The following NCF2 variants were observed in gnomAD, a reference collection of about 807,000 sequenced individuals.
NCF2 encodes neutrophil cytosolic factor 2.
In NCF2, 45 loss-of-function variants were observed where a neutral mutation model predicts 70.9. The observed-to-expected ratio is 0.63, with a 90% CI of 0.50 to 0.81. The LOEUF (loss-of-function observed/expected upper bound fraction) is 0.81. Ranked by LOEUF, NCF2 falls within the 40% of genes least tolerant of loss-of-function variation. The pLI is 0.00. For missense variants in NCF2, 522 were observed against 631.6 expected (o/e 0.83, Z 1.86); for synonymous variants, 203 against 233.6 (o/e 0.87, Z 1.19).
In NCF2 at chr1:183,567,150, C is replaced by T; in HGVS notation, c.855+54G>A. ...AGCAGATACTGCTCCACAGAGACTG[C>T]ATTTGCTGCCAGGATCCCATGCCCA... On this transcript the variant is annotated intron_variant, in intron 8 of 14. Transcript: ENST00000367535. 4 of 1,613,086 alleles carry T rather than the reference C, an allele frequency of 2.5e-6. No individual in the cohort carries two copies. In the South Asian group the frequency reaches 3.3e-5, roughly 13 times the overall value.
chr1:183,564,360 G>A (rs1289556713), intron 10 of NCF2, among the ~76,000 whole-genome samples: 2 of 152,180 alleles, frequency 1.3e-5, no homozygotes, highest in Non-Finnish European at 2.9e-5. Context: ...AATGAAAATC[G>A]GAGTGCAAGG....
At position 183,567,280 on chromosome 1, in the gene NCF2, T is replaced by G; in HGVS notation, c.779A>C (p.Gln260Pro). 1 of 1,614,200 alleles carries G rather than the reference T, an allele frequency of 6.2e-7. No individual in the cohort carries two copies. Among genetic ancestry groups the G allele is most frequent in the Non-Finnish European group, 8.5e-7 (1 of 1,180,032 alleles). Reference protein sequence around the residue: ...GFVPETKEELQVMPGNIVFVL... With the variant: ...GFVPETKEELPVMPGNIVFVL... Reference sequence around the variant, plus strand: ...AAAGACAATGTTCCCTGGCATGACCTGGAGCTCTTCTTTTGTCTCAGGCAC... The same window carrying G: ...AAAGACAATGTTCCCTGGCATGACCGGGAGCTCTTCTTTTGTCTCAGGCAC... The change falls in exon 8 of 15, where the codon CAG becomes CCG. Residue 260 changes from glutamine to proline, a missense_variant. Gln to Pro is a moderately conservative substitution (Grantham distance 76, BLOSUM62 -1). Transcript: ENST00000367535.
At chr1:183,574,705 A>G in intron 3 of NCF2, 84 bp from the exon 4 acceptor site, 2 of 1,524,488 alleles carry the variant, frequency 1.3e-6, no homozygotes, top group South Asian at 2.2e-5. Context: ...ATACTCTGAG[A>G]ATGTTGCCTG....
At chr1:183,600,286 A>G in the NCF2 span, among the ~76,000 whole-genome samples, 2 of 152,230 alleles carry the variant, frequency 1.3e-5, no homozygotes, top group African/African-American at 2.4e-5. Context: ...CAAGCTCAGT[A>G]TGAGTCAACA....
chr1:183,576,415 TA>T lies in NCF2; in HGVS notation c.366+1183del, dbSNP rs571008549. On this transcript the variant is annotated intron_variant, in intron 3 of 14. Transcript: ENST00000367535. ...TCTGTATAAGTGGCTGTCATTGGCT[TA>T]TTAGCAATGTCTGGAGGGATTTTAG... is the stretch of plus-strand genomic sequence containing the variant. Among the ~76,000 whole-genome samples the T allele has an allele frequency of 2.1e-3, 315 of 152,336 alleles. 2 individuals carry two copies. The highest frequency in any genetic ancestry group is 7.0e-3 in the African/African-American group (292 of 41,582).
At chr1:183,584,261 T>G (rs1673239382) in intron 2 of NCF2, among the ~76,000 whole-genome samples, 1 of 152,214 alleles carries the variant, frequency 6.6e-6, no homozygotes, top group Non-Finnish European at 1.5e-5. Flanking sequence ...AAACACATTT[T>G]GCCATTTAAC....
rs528009583 is a variant in NCF2, at chr1:183,581,746, G to A, written c.258-4039C>T. Among the ~76,000 whole-genome samples the A allele has an allele frequency of 5.5e-4, 83 of 151,694 alleles. 2 individuals carry two copies. In the South Asian group the frequency reaches 0.017, roughly 31 times the overall value. Reference sequence around the variant, plus strand: ...TGCAGTGGCGCGATCTCGGCTCACTGGAAGCTCCGCCTCCCGGTTCACGCC... The same window carrying A: ...TGCAGTGGCGCGATCTCGGCTCACTAGAAGCTCCGCCTCCCGGTTCACGCC... On this transcript the variant is annotated intron_variant, in intron 2 of 14. Transcript: ENST00000367535.
intron 6 of NCF2, 35 bp from the exon 7 acceptor site, chr1:183,569,220 G>A (rs775491711): frequency 1.9e-5 from 31 of 1,602,820 alleles, no homozygotes; most frequent in Admixed American, 5.0e-5. Context: ...AAACGGAAAA[G>A]GCAATGAGGG....
In NCF2 at chr1:183,567,250, A is replaced by C. The variant is rs1486174110; in HGVS notation, c.809T>G (p.Leu270Trp). ...QVMPGNIVFV[L>W]KKGNDNWATV... ...GGCCCAGTTATCATTGCCCTTCTTC[A>C]AGACAAAGACAATGTTCCCTGGCAT... Residue 270 changes from leucine (L) to tryptophan (W), a missense_variant, in exon 8 of 15, where the codon TTG (leucine) becomes TGG (tryptophan). By Grantham distance (61) the Leu-to-Trp change is moderately conservative (BLOSUM62 -2). Transcript: ENST00000367535. 3.1e-6 allele frequency: 5 copies of C among 1,613,990 alleles called. No individual in the cohort carries two copies. Among genetic ancestry groups the C allele is most frequent in the Non-Finnish European group, 3.4e-6 (4 of 1,180,034 alleles).
At chr1:183,597,140 C>T in the NCF2 span, among the ~76,000 whole-genome samples, 1 of 152,216 alleles carries the variant, frequency 6.6e-6, no homozygotes. Flanking sequence ...ATCTTAGGAA[C>T]TTTCCCTTTT....
At chr1:183,584,098 T>C (rs950910824) in intron 2 of NCF2, among the ~76,000 whole-genome samples, 1 of 152,106 alleles carries the variant, frequency 6.6e-6, no homozygotes. Context: ...TGGATGGATC[T>C]CAGGTACAGA....
chr1:183,575,514 A>T (rs997211172), intron 3 of NCF2, among the ~76,000 whole-genome samples: 1 of 152,172 alleles, frequency 6.6e-6, no homozygotes, highest in Non-Finnish European at 1.5e-5. Flanking sequence ...TTGAGTGTCT[A>T]TTTTACTATT....
In NCF2 at chr1:183,578,038, C is replaced by T. The variant is rs112667828; in HGVS notation, c.258-331G>A. ...CTTTCCGATGCAGCTCTCATTCTCT[C>T]TTGAGAGCTCCAAGCAGAGCCAGCA... On this transcript the variant is annotated intron_variant, in intron 2 of 14. Coordinates refer to ENST00000367535, the MANE Select transcript of NCF2 (RefSeq NM_000433.4). Among the ~76,000 whole-genome samples the T allele has an allele frequency of 1.8e-3, 273 of 152,312 alleles. 1 individual carries two copies. Among genetic ancestry groups the T allele is most frequent in the African/African-American group, 6.1e-3 (252 of 41,576 alleles).
upstream of NCF2, among the ~76,000 whole-genome samples, chr1:183,591,862 A>G (rs905095507): frequency 6.6e-6 from 1 of 152,246 alleles, no homozygotes; most frequent in Non-Finnish European, 1.5e-5. Flanking sequence ...TGGGAGCCAC[A>G]TGACAGTGAA....
intron 3 of NCF2, among the ~76,000 whole-genome samples, chr1:183,576,209 G>A (rs1672793495): frequency 6.6e-6 from 1 of 152,104 alleles, no homozygotes; most frequent in Admixed American, 6.5e-5. Context: ...TGACAAAGAG[G>A]GCCTTAGACC....
At chr1:183,563,925 CCAGA>C in intron 11 of NCF2, 76 bp downstream of exon 11, 1 of 1,467,020 alleles carries the variant, frequency 6.8e-7, no homozygotes, top group South Asian at 1.1e-5. Flanking sequence ...TTCCTATAAT[CCAGA>C]CAGACATGTC....
At chr1:183,559,816 G>T (rs1671959727) in intron 14 of NCF2, among the ~76,000 whole-genome samples, 1 of 152,130 alleles carries the variant, frequency 6.6e-6, no homozygotes, top group Non-Finnish European at 1.5e-5. Flanking sequence ...CCGAGATTGT[G>T]CCACTGCACT....
intron 14 of NCF2, among the ~76,000 whole-genome samples, chr1:183,556,685 C>G (rs1671800321): frequency 6.6e-6 from 1 of 152,118 alleles, no homozygotes; most frequent in Non-Finnish European, 1.5e-5. Context: ...GCTGTGCCAC[C>G]ACGCTTGGTT....
chr1:183,595,300 G>A (rs557756396), upstream of NCF2, among the ~76,000 whole-genome samples: 1 of 152,244 alleles, frequency 6.6e-6, no homozygotes, highest in East Asian at 1.9e-4. Flanking sequence ...AAGTCAACAG[G>A]GGTCCTGTTG....
Sources: gnomAD v4.1 joint callset for allele counts (sites outside exome capture counted in the v4.1 genomes callset) on GRCh38, gnomAD v4.1.1 for gene constraint, MANE v1.5 for transcripts, NCBI Gene and HGNC (gene_info 2026-07-23, HGNC 2026-07-21) for gene names.